Variants in ADORA2B observed in about 807,000 individuals in gnomAD.
ADORA2B encodes adenosine A2b receptor, also known as adenosine receptor A2b.
Under a neutral mutation model 20.8 loss-of-function variants are expected in ADORA2B, and 18 were observed. The ratio of observed to expected loss-of-function variants is 0.87; its 90% confidence interval spans 0.60 to 1.29. The LOEUF (loss-of-function observed/expected upper bound fraction) is 1.29, where lower values mean the gene tolerates loss of function less well. Ranked by LOEUF, ADORA2B falls within the 50% of genes most tolerant of loss-of-function variation. ADORA2B has a pLI of 0.00. For synonymous variants in ADORA2B, 179 were observed against 178.3 expected, an observed-to-expected ratio of 1.00 and a Z score of -0.03; for missense variants, 441 against 422.7, an observed-to-expected ratio of 1.04 and a Z score of -0.38.
At chr17:15,915,445 G>A in the ADORA2B span, among the ~76,000 whole-genome samples, 1 of 152,070 alleles carries the variant, frequency 6.6e-6, no homozygotes, top group Non-Finnish European at 1.5e-5. Context: ...GGACATCTCT[G>A]GGGACCATTA....
the ADORA2B span, among the ~76,000 whole-genome samples, chr17:15,880,682 C>G: frequency 6.6e-6 from 1 of 152,080 alleles, no homozygotes; most frequent in South Asian, 2.1e-4. Context: ...GTGGCCCGCT[C>G]AGGGATCCAC....
In ADORA2B at chr17:15,975,344, C is replaced by G; in HGVS notation, c.*2C>G. Reference sequence around the variant, plus strand: ...CCTGCTCTCGGTGTGGGCCTATGATCTAGGCTCTCGCCTCTTCCAGGAGAA... The same window carrying G: ...CCTGCTCTCGGTGTGGGCCTATGATGTAGGCTCTCGCCTCTTCCAGGAGAA... On this transcript the variant is annotated 3_prime_UTR_variant, in exon 2 of 2. Transcript: ENST00000304222. The G allele has an allele frequency of 6.2e-7, 1 of 1,607,538 alleles. No individual in the cohort carries two copies. The highest frequency in any genetic ancestry group is 8.5e-7 in the Non-Finnish European group (1 of 1,177,848).
the ADORA2B span, among the ~76,000 whole-genome samples, chr17:15,890,231 CG>C: frequency 7.8e-6 from 1 of 128,696 alleles, no homozygotes; most frequent in Non-Finnish European, 1.6e-5. Flanking sequence ...GATACTTTAC[CG>C]TTTTCATTTT....
At chr17:15,947,953 G>A (rs968347094) in intron 1 of ADORA2B, among the ~76,000 whole-genome samples, 2 of 152,182 alleles carry the variant, frequency 1.3e-5, no homozygotes, top group African/African-American at 2.4e-5. Context: ...CAGGCTGGGT[G>A]CATGGCGCCC....
At chr17:15,867,641 C>T in the ADORA2B span, among the ~76,000 whole-genome samples, 1 of 149,776 alleles carries the variant, frequency 6.7e-6, no homozygotes, top group Admixed American at 6.6e-5. Context: ...GCCCGCCGCC[C>T]AGCCAGCCGC....
the ADORA2B span, among the ~76,000 whole-genome samples, chr17:15,928,679 G>C: frequency 1.9e-4 from 29 of 152,312 alleles, no homozygotes; most frequent in Middle Eastern, 3.4e-3. Context: ...GCCTTGGCCA[G>C]GACTCCGTGA....
chr17:15,934,504 G>A, the ADORA2B span, among the ~76,000 whole-genome samples: 1 of 152,142 alleles, frequency 6.6e-6, no homozygotes, highest in Non-Finnish European at 1.5e-5. Context: ...GATTACAGGC[G>A]TGAGCCACCG....
the ADORA2B span, among the ~76,000 whole-genome samples, chr17:15,937,865 G>C: frequency 6.6e-6 from 1 of 152,220 alleles, no homozygotes; most frequent in Non-Finnish European, 1.5e-5. Context: ...GAGCGACCAT[G>C]CCTGGCCTGA....
the ADORA2B span, among the ~76,000 whole-genome samples, chr17:15,898,792 G>A: frequency 6.6e-6 from 1 of 152,200 alleles, no homozygotes; most frequent in Non-Finnish European, 1.5e-5. Flanking sequence ...TGGATGGTCT[G>A]TGAGGAGCTG....
intron 1 of ADORA2B, among the ~76,000 whole-genome samples, chr17:15,955,693 C>T (rs1362949813): frequency 6.6e-6 from 1 of 151,324 alleles, no homozygotes; most frequent in Non-Finnish European, 1.5e-5. Flanking sequence ...CAGGCGTGAG[C>T]CACCACACCT....
the ADORA2B span, among the ~76,000 whole-genome samples, chr17:15,917,630 G>A: frequency 6.6e-6 from 1 of 152,214 alleles, no homozygotes; most frequent in Non-Finnish European, 1.5e-5. Context: ...GCAATCTCGC[G>A]CTCCCGGGGC....
chr17:15,888,006 C>G, the ADORA2B span, among the ~76,000 whole-genome samples: 1 of 97,918 alleles, frequency 1.0e-5, no homozygotes, highest in African/African-American at 4.7e-5. Flanking sequence ...CAGAAGTTGC[C>G]AAACTTGATT....
the ADORA2B span, among the ~76,000 whole-genome samples, chr17:15,893,322 G>A: frequency 6.6e-6 from 1 of 152,158 alleles, no homozygotes; most frequent in Non-Finnish European, 1.5e-5. Flanking sequence ...GAGATAATTT[G>A]CAATGAGTAA....
chr17:15,874,070 A>ATATATATATGTATATATATG, the ADORA2B span, among the ~76,000 whole-genome samples: 1 of 85,150 alleles, frequency 1.2e-5, no homozygotes, highest in African/African-American at 3.7e-5. Flanking sequence ...GTGTGTGTGT[A>ATATATATATGTATATATATG]TATATATATA....
chr17:15,923,204 TA>T, the ADORA2B span, among the ~76,000 whole-genome samples: 8 of 129,384 alleles, frequency 6.2e-5, no homozygotes, highest in African/African-American at 1.3e-4. Flanking sequence ...TTTCTTTTTT[TA>T]ATTTTTTTTT....
chr17:15,948,024 T>TCGTCTGACC, intron 1 of ADORA2B, among the ~76,000 whole-genome samples: 1 of 152,018 alleles, frequency 6.6e-6, no homozygotes, highest in Admixed American at 6.5e-5. Context: ...GAGAGTAAAG[T>TCGTCTGACC]TGGAAGTGCC....
At chr17:15,884,528 T>G in the ADORA2B span, among the ~76,000 whole-genome samples, 1 of 152,190 alleles carries the variant, frequency 6.6e-6, no homozygotes, top group East Asian at 1.9e-4. Flanking sequence ...TTATTAAGAA[T>G]AAGCCCAGCA....
At chr17:15,964,192 A>G (rs577678632) in intron 1 of ADORA2B, among the ~76,000 whole-genome samples, 1 of 152,326 alleles carries the variant, frequency 6.6e-6, no homozygotes, top group Non-Finnish European at 1.5e-5. Context: ...GTAAAATCTA[A>G]TAGTATCTAC....
At chr17:15,923,830 TATG>T in the ADORA2B span, among the ~76,000 whole-genome samples, 2 of 152,342 alleles carry the variant, frequency 1.3e-5, no homozygotes, top group African/African-American at 4.8e-5. Flanking sequence ...TGTTTCTGCT[TATG>T]ATGATTTGTT....
Sources: gnomAD v4.1 joint callset for allele counts (sites outside exome capture counted in the v4.1 genomes callset) on GRCh38, gnomAD v4.1.1 for gene constraint, MANE v1.5 for transcripts, NCBI Gene and HGNC (gene_info 2026-07-23, HGNC 2026-07-21) for gene names.